The following TUFM variants were observed in gnomAD, a reference collection of about 807,000 sequenced individuals.
The protein encoded by TUFM is elongation factor Tu, mitochondrial.
A neutral mutation model predicts 45.0 loss-of-function variants in TUFM; 23 were observed. The ratio of observed to expected loss-of-function variants is 0.51; its 90% CI spans 0.37 to 0.72. TUFM has a LOEUF of 0.72. Among genes scored for constraint, TUFM ranks in the 30% least tolerant of loss-of-function variants. TUFM has a pLI of 0.00. For missense variants in TUFM, 490 were observed against 610.7 expected (o/e 0.80, Z 2.08); for synonymous variants, 243 against 252.9 (o/e 0.96, Z 0.37).
chr16:28,843,821 T>C lies in TUFM; in HGVS notation c.1109A>G (p.His370Arg). 1 of 1,614,176 alleles carries C rather than the reference T, an allele frequency of 6.2e-7. No individual in the cohort carries two copies. The highest frequency in any genetic ancestry group is 1.7e-5 in the Admixed American group (1 of 60,022). ...CATGAAGTGGGACACAAAGGGCTTG[T>C]GGCGGCCACCTTCCTCCTTGCTGAG... ...YILSKEEGGR[H>R]KPFVSHFMPV... Residue 370 changes from histidine (H) to arginine (R), a missense_variant, in exon 9 of 10, where the codon CAC becomes CGC. Transcript: ENST00000313511.
chr16:28,843,384 T>A (rs772157750), intron 9 of TUFM, among the ~76,000 whole-genome samples: 2 of 152,072 alleles, frequency 1.3e-5, no homozygotes, highest in Non-Finnish European at 2.9e-5. Flanking sequence ...GAGAAAAAAA[T>A]GTCTAGGAAG....
intron 8 of TUFM, 35 bp downstream of exon 8, chr16:28,843,915 G>A (rs1269042326): frequency 6.2e-7 from 1 of 1,613,926 alleles, no homozygotes; most frequent in Non-Finnish European, 8.5e-7. Flanking sequence ...GGAGAGCTTG[G>A]CTCAACCCTG....
At position 28,845,069 on chromosome 16, in the gene TUFM, G is replaced by C. The variant is rs781119931; in HGVS notation, c.415-14C>G. On this transcript the variant is annotated splice_polypyrimidine_tract_variant and intron_variant, in intron 3 of 9. Transcript: ENST00000313511. ...TGTGATCATATTCTGGAGAGGAGAA[G>C]GAAAGGAAACAGCCAAGTTCAACGA... 1 of 1,613,620 alleles carries C rather than the reference G, an allele frequency of 6.2e-7. No individual in the cohort carries two copies. Among genetic ancestry groups the C allele is most frequent in the Non-Finnish European group, 8.5e-7 (1 of 1,179,858 alleles).
chr16:28,845,595 C>T, intron 2 of TUFM, 115 bp from the exon 3 acceptor site: 1 of 1,309,380 alleles, frequency 7.6e-7, no homozygotes, highest in East Asian at 2.4e-5. Flanking sequence ...ATCTCTAACT[C>T]TTCCAGCAGA....
rs1357223019 is a variant in TUFM, at chr16:28,844,654, G to C, written c.684+44C>G. 1 of 1,613,966 alleles carries C rather than the reference G, an allele frequency of 6.2e-7. No individual in the cohort carries two copies. The highest frequency in any genetic ancestry group is 1.7e-5 in the Admixed American group (1 of 60,010). ...AAGCAGAGCTCTGGGTGCCCATCCA[G>C]CCCCACCCTCTGCAGCAGCTGCCCT... On this transcript the variant is annotated intron_variant, in intron 5 of 9. Transcript: ENST00000313511. The surrounding 1 kb of genome is among the most constrained non-coding windows in gnomAD (Gnocchi z 5.8).
rs1961869223 is a variant in TUFM, at chr16:28,844,104, A to AG, written c.923-4dup. 2 of 1,614,180 alleles carry AG rather than the reference A, an allele frequency of 1.2e-6. No homozygotes were observed. Among genetic ancestry groups the AG allele is most frequent in the East Asian group, 4.5e-5 (2 of 44,876 alleles). On this transcript the variant is annotated splice_polypyrimidine_tract_variant and splice_region_variant and intron_variant, in intron 7 of 9. Transcript: ENST00000313511. This position sits in a 1 kb window ranked among gnomAD's most constrained non-coding sequence, Gnocchi z 5.8. Reference sequence around the variant, plus strand: ...GCTCTTGTGGAACATCTCAATGCCTAGGACGGAAAGGGAAAAGGAGCAGGG... The same window carrying AG: ...GCTCTTGTGGAACATCTCAATGCCTAGGGACGGAAAGGGAAAAGGAGCAGGG...
intron 9 of TUFM, among the ~76,000 whole-genome samples, 154 bp downstream of exon 9, chr16:28,843,582 G>A (rs907622622): frequency 6.6e-6 from 1 of 152,172 alleles, no homozygotes; most frequent in Admixed American, 6.5e-5. Context: ...CATGGGCCAT[G>A]CCCCTTCTGT....
chr16:28,843,616 C>T (rs920297420), intron 9 of TUFM, 120 bp downstream of exon 9: 1 of 1,445,928 alleles, frequency 6.9e-7, no homozygotes. Flanking sequence ...CAAGCAGCCC[C>T]TTTCCACCTA....
At position 28,844,742 on chromosome 16, in the gene TUFM, C is replaced by G. The variant is rs1395317991; in HGVS notation, c.640G>C (p.Glu214Gln). Residue 214 changes from glutamate (E) to glutamine (Q), a missense_variant, in exon 5 of 10, where the codon GAG (glutamate) becomes CAG (glutamine). By Grantham distance (29) the Glu-to-Gln change is conservative. Coordinates refer to ENST00000313511, the MANE Select transcript of TUFM (RefSeq NM_003321.5). This position sits in a 1 kb window ranked among gnomAD's most constrained non-coding sequence, Gnocchi z 5.8. ...GAGCCTACGATGACTGGGGTCTCCT[C>G]CCCTTTATAGCCAAACTCGGTGAGC... ...ELLTEFGYKG[E>Q]ETPVIVGSAL... 1 of 1,614,206 alleles carries G rather than the reference C, an allele frequency of 6.2e-7. No homozygotes were observed. The highest frequency in any genetic ancestry group is 1.7e-5 in the Admixed American group (1 of 60,022).
Position 28,842,849 on chromosome 16 carries a change from G to C in TUFM, c.*126C>G, listed in dbSNP as rs1401687479. On this transcript the variant is annotated 3_prime_UTR_variant, in exon 10 of 10. Coordinates refer to ENST00000313511, the MANE Select transcript of TUFM (RefSeq NM_003321.5). ...GGCAGGCCAACCCTTCCGAGCAGGGGAAATGTCCATCTAGCTGCCCTCTGC... is the reference window on the plus strand; with the variant it reads ...GGCAGGCCAACCCTTCCGAGCAGGGCAAATGTCCATCTAGCTGCCCTCTGC... 6.2e-6 allele frequency: 8 copies of C among 1,281,748 alleles called. No homozygotes were observed. In the East Asian group the frequency reaches 1.8e-4, roughly 30 times the overall value. 79.4% of individuals were successfully genotyped at this position (1,281,748 alleles called of 1,614,324 possible).
In TUFM at chr16:28,846,324, A is replaced by C. The variant is rs7187776; in HGVS notation, c.-55T>G. Reference sequence around the variant, plus strand: ...ACCAGGAGCCCGAGCGCACAGAAGAAGAAGGGCGCCTGCGGCTGGAAGGCA... The same window carrying C: ...ACCAGGAGCCCGAGCGCACAGAAGACGAAGGGCGCCTGCGGCTGGAAGGCA... On this transcript the variant is annotated 5_prime_UTR_variant, in exon 1 of 10. Transcript: ENST00000313511. The C allele has an allele frequency of 8.5e-6, 13 of 1,534,404 alleles. No homozygotes were observed. Among genetic ancestry groups the C allele is most frequent in the East Asian group, 2.5e-5 (1 of 40,584 alleles).
At position 28,846,058 on chromosome 16, in the gene TUFM, A is replaced by T. The variant is rs1961946469; in HGVS notation, c.101T>A (p.Leu34Gln). 2 of 1,613,624 alleles carry T rather than the reference A, an allele frequency of 1.2e-6. No homozygotes were observed. The highest frequency in any genetic ancestry group is 1.7e-6 in the Non-Finnish European group (2 of 1,179,922). Residue 34 changes from leucine (L) to glutamine (Q), a missense_variant, in exon 2 of 10, where the codon CTG becomes CAG. Transcript: ENST00000313511. ...TFLLQGLLRL[L>Q]KAPALPLLCR... ...CAAGAGAGGCAATGCCGGGGCTTTC[A>T]GCAGCCGCAACAGACCCTGCAGCAG... is the stretch of plus-strand genomic sequence containing the variant.
At position 28,846,295 on chromosome 16, in the gene TUFM, C is replaced by T. The variant is rs568685570; in HGVS notation, c.-26G>A. The T allele has an allele frequency of 1.1e-5, 17 of 1,548,330 alleles. No individual in the cohort carries two copies. The African/African-American group carries it at 2.3e-4, about 21-fold the overall frequency. Reference sequence around the variant, plus strand: ...ACTCGCGCCCCGGTAACCGGGGAGCCGGGACCAGGAGCCCGAGCGCACAGA... The same window carrying T: ...ACTCGCGCCCCGGTAACCGGGGAGCTGGGACCAGGAGCCCGAGCGCACAGA... On this transcript the variant is annotated 5_prime_UTR_variant, in exon 1 of 10. Coordinates refer to ENST00000313511, the MANE Select transcript of TUFM (RefSeq NM_003321.5).
In TUFM at chr16:28,845,037, C is replaced by T. The variant is rs1961901234; in HGVS notation, c.433G>A (p.Ala145Thr). 6.2e-7 allele frequency: 1 copy of T among 1,614,036 alleles called. No homozygotes were observed. The highest frequency in any genetic ancestry group is 1.3e-5 in the African/African-American group (1 of 74,922). Residue 145 changes from alanine (A) to threonine (T), a missense_variant, in exon 4 of 10, where the codon GCA (alanine) becomes ACA (threonine). Coordinates refer to ENST00000313511, the MANE Select transcript of TUFM (RefSeq NM_003321.5). ...ACCAGGATGCAGCCGTCGAGGGGTG[C>T]AGTGCCTGTGATCATATTCTGGAGA... ...DYVKNMITGTAPLDGCILVVA... is the reference protein window; with the variant it reads ...DYVKNMITGTTPLDGCILVVA...
chr16:28,845,336 G>A lies in TUFM; in HGVS notation c.392C>T (p.Pro131Leu), dbSNP rs866472038. 6.2e-7 allele frequency: 1 copy of A among 1,614,052 alleles called. No homozygotes were observed. The highest frequency in any genetic ancestry group is 8.5e-7 in the Non-Finnish European group (1 of 1,180,028). Residue 131 changes from proline to leucine, a missense_variant, in exon 3 of 10, where the codon CCG becomes CTG. Transcript: ENST00000313511. ...AARHYAHTDC[P>L]GHADYVKNMI... is the part of the protein sequence containing the mutation. ...CACCTTAACATAATCTGCATGACCC[G>A]GGCAGTCTGTGTGGGCGTAGTGGCG...
chr16:28,843,500 A>C (rs765978004), intron 9 of TUFM, among the ~76,000 whole-genome samples: 5 of 152,200 alleles, frequency 3.3e-5, no homozygotes, highest in Non-Finnish European at 7.3e-5. Context: ...CTGTGGGTAC[A>C]TGCTGGCAGA....
At chr16:28,843,240 G>A in intron 9 of TUFM, 92 bp from the exon 10 acceptor site, 1 of 1,358,658 alleles carries the variant, frequency 7.4e-7, no homozygotes, top group South Asian at 1.2e-5. Context: ...AGAGTCATGG[G>A]AGAATGCAGC....
In TUFM at chr16:28,845,000, T is replaced by C. The variant is rs201756974; in HGVS notation, c.470A>G (p.Asn157Ser). The change falls in exon 4 of 10, where the codon AAT becomes AGT. Residue 157 changes from asparagine (N) to serine (S), a missense_variant. By Grantham distance (46) the Asn-to-Ser change is conservative (BLOSUM62 1). Transcript: ENST00000313511. This position sits in a 1 kb window ranked among gnomAD's most constrained non-coding sequence, Gnocchi z 5.8. ...TCGGGTCTGGGGCATGGGGCCGTCA[T>C]TGGCTGCTACCACCAGGATGCAGCC... ...LDGCILVVAA[N>S]DGPMPQTREH... 440 of 1,614,020 alleles carry C rather than the reference T, an allele frequency of 2.7e-4. 2 individuals are homozygous for C. The highest frequency in any genetic ancestry group is 3.6e-4 in the Non-Finnish European group (428 of 1,180,024).
At chr16:28,845,804 C>T in intron 2 of TUFM, 108 bp downstream of exon 2, 1 of 1,428,994 alleles carries the variant, frequency 7.0e-7, no homozygotes, top group Non-Finnish European at 9.7e-7. Context: ...AATTCGGGCT[C>T]TTGGGGCCAC....
Sources: gnomAD v4.1 joint callset for allele counts (sites outside exome capture counted in the v4.1 genomes callset) on GRCh38, gnomAD v4.1.1 for gene constraint, Gnocchi (gnomAD v3.1) non-coding constraint, MANE v1.5 for transcripts, NCBI Gene and HGNC (gene_info 2026-07-23, HGNC 2026-07-21) for gene names.